SLMAP: variants seen among roughly 807,000 people sequenced by gnomAD.
SLMAP encodes the protein sarcolemma associated protein, also known as sarcolemmal membrane-associated protein.
In SLMAP, 44 loss-of-function variants were observed where a neutral mutation model predicts 128.8. That is an observed-to-expected ratio of 0.34 (90% confidence interval 0.27 to 0.44). SLMAP has a LOEUF of 0.44. Ranked by LOEUF, SLMAP falls within the 20% of genes least tolerant of loss-of-function variation. The pLI is 1.00. For missense variants in SLMAP, 787 were observed against 985.3 expected, an observed-to-expected ratio of 0.80 and a Z score of 2.69; for synonymous variants, 327 against 348.8, an observed-to-expected ratio of 0.94 and a Z score of 0.70.
At chr3:57,804,356 G>A (rs1202380305) in intron 2 of SLMAP, among the ~76,000 whole-genome samples, 5 of 152,316 alleles carry the variant, frequency 3.3e-5, no homozygotes, top group Non-Finnish European at 7.4e-5. Context: ...GAAGTCATAG[G>A]TGAGAAGGTA....
At chr3:57,831,675 A>C in intron 3 of SLMAP, 145 bp downstream of exon 3, 1 of 505,684 alleles carries the variant, frequency 2.0e-6, no homozygotes, top group Non-Finnish European at 3.2e-6. Context: ...TAAAAGTCTC[A>C]TACTTTCCGT....
At chr3:57,908,458 A>G (rs2096618832) in intron 18 of SLMAP, among the ~76,000 whole-genome samples, 1 of 152,196 alleles carries the variant, frequency 6.6e-6, no homozygotes, top group African/African-American at 2.4e-5. Flanking sequence ...GCAGACAATT[A>G]GTATCTCAAA....
At chr3:57,766,875 AT>A (rs1360610540) in intron 2 of SLMAP, among the ~76,000 whole-genome samples, 3 of 151,306 alleles carry the variant, frequency 2.0e-5, no homozygotes, top group Non-Finnish European at 3.0e-5. Flanking sequence ...CTATACTTCC[AT>A]TTAACTTTGT....
At chr3:57,906,310 C>CTTTTCT (rs2096548548) in intron 17 of SLMAP, among the ~76,000 whole-genome samples, 21 of 47,032 alleles carry the variant, frequency 4.5e-4, no homozygotes, top group African/African-American at 1.4e-3. Flanking sequence ...CTTTTTTTTT[C>CTTTTCT]TTTTTTTTTT....
chr3:57,891,512 T>C (rs1417497925), intron 15 of SLMAP, among the ~76,000 whole-genome samples: 1 of 152,190 alleles, frequency 6.6e-6, no homozygotes, highest in Non-Finnish European at 1.5e-5. Context: ...GGCTATAAAC[T>C]GTTTATTGGA....
chr3:57,856,142 T>A (rs2094777241), intron 6 of SLMAP, among the ~76,000 whole-genome samples: 1 of 151,890 alleles, frequency 6.6e-6, no homozygotes, highest in Non-Finnish European at 1.5e-5. Flanking sequence ...CTCAGGAGTT[T>A]GAGATTACAG....
At chr3:57,888,742 G>A (rs757047706) in intron 14 of SLMAP, among the ~76,000 whole-genome samples, 5 of 152,016 alleles carry the variant, frequency 3.3e-5, no homozygotes, top group Non-Finnish European at 5.9e-5. Flanking sequence ...TAAAATCAAT[G>A]TATTATTTAG....
chr3:57,777,168 G>A (rs552097060), intron 2 of SLMAP, among the ~76,000 whole-genome samples: 3 of 151,644 alleles, frequency 2.0e-5, no homozygotes, highest in East Asian at 3.9e-4. Context: ...GTTAATGGGT[G>A]CAGCACACCA....
chr3:57,795,614 G>T (rs929754311), intron 2 of SLMAP, among the ~76,000 whole-genome samples: 1 of 152,084 alleles, frequency 6.6e-6, no homozygotes, highest in African/African-American at 2.4e-5. Flanking sequence ...TCAGATAAAT[G>T]ATTTGTAAGT....
chr3:57,878,305 C>G (rs1428609050), intron 14 of SLMAP, among the ~76,000 whole-genome samples: 1 of 152,156 alleles, frequency 6.6e-6, no homozygotes, highest in South Asian at 2.1e-4. Context: ...CAGAGCCTCT[C>G]CTATGAGGTT....
At chr3:57,864,758 T>G (rs2095245322) in intron 11 of SLMAP, 42 bp downstream of exon 11, 1 of 1,569,750 alleles carries the variant, frequency 6.4e-7, no homozygotes, top group Non-Finnish European at 8.6e-7. Context: ...TTATTTTTTT[T>G]CTTGTTATCT....
intron 2 of SLMAP, among the ~76,000 whole-genome samples, chr3:57,768,221 A>G (rs1257645219): frequency 6.6e-6 from 1 of 152,168 alleles, no homozygotes; most frequent in Non-Finnish European, 1.5e-5. Flanking sequence ...ATCTTTTGTC[A>G]AGTATACAAT....
At chr3:57,845,837 T>TC (rs954891584) in intron 4 of SLMAP, among the ~76,000 whole-genome samples, 3 of 151,154 alleles carry the variant, frequency 2.0e-5, no homozygotes, top group East Asian at 3.9e-4. Context: ...TATGATTATC[T>TC]CCCCCCCACC....
chr3:57,884,050 T>C (rs558101606), intron 14 of SLMAP, among the ~76,000 whole-genome samples: 1 of 150,364 alleles, frequency 6.7e-6, no homozygotes, highest in Admixed American at 6.7e-5. Context: ...CATCTCAGCC[T>C]CCCAAGTAGT....
chr3:57,846,639 C>G (rs576046967), intron 4 of SLMAP, among the ~76,000 whole-genome samples: 1 of 151,354 alleles, frequency 6.6e-6, no homozygotes, highest in Non-Finnish European at 1.5e-5. Flanking sequence ...TCACTGCAAC[C>G]TCCACCTCCT....
chr3:57,884,489 A>G (rs2095829477), intron 14 of SLMAP, among the ~76,000 whole-genome samples: 1 of 152,220 alleles, frequency 6.6e-6, no homozygotes. Context: ...AGAGAAACCA[A>G]TCAGACAAAG....
chr3:57,863,424 T>C (rs1027196289), intron 10 of SLMAP, among the ~76,000 whole-genome samples: 2 of 152,224 alleles, frequency 1.3e-5, no homozygotes, highest in Non-Finnish European at 1.5e-5. Flanking sequence ...TTTTCAAAGT[T>C]GGTCTTGTTA....
At chr3:57,852,999 TA>T (rs2094562616) in intron 6 of SLMAP, among the ~76,000 whole-genome samples, 1 of 152,264 alleles carries the variant, frequency 6.6e-6, no homozygotes, top group Admixed American at 6.5e-5. Flanking sequence ...TAGAACTAAC[TA>T]AAAGACCATT....
chr3:57,879,519 C>T (rs780868619), intron 14 of SLMAP, among the ~76,000 whole-genome samples: 4 of 151,592 alleles, frequency 2.6e-5, no homozygotes, highest in African/African-American at 4.8e-5. Flanking sequence ...GCATATTGGG[C>T]GGAAAAAAAG....
Sources: allele counts gnomAD v4.1 joint callset (sites outside exome capture counted in the v4.1 genomes callset), GRCh38; gene constraint gnomAD v4.1.1; transcripts MANE v1.5; gene names NCBI Gene and HGNC (gene_info 2026-07-23, HGNC 2026-07-21).